Variants in BICD1 observed in about 807,000 individuals in gnomAD.
BICD1 encodes BICD cargo adaptor 1.
BICD1 carries 35 observed loss-of-function variants against 92.5 expected under a neutral mutation model. The ratio of observed to expected loss-of-function variants is 0.38; its 90% confidence interval spans 0.29 to 0.50. BICD1 has a LOEUF of 0.50. Ranked by LOEUF, BICD1 falls within the 20% of genes least tolerant of loss-of-function variation. The pLI is 0.93. For synonymous variants in BICD1, 429 were observed against 465.1 expected (o/e 0.92, Z 1.00); for missense variants, 950 against 1,189.8 (o/e 0.80, Z 2.97).
Position 32,299,825 on chromosome 12 carries a change from A to G in BICD1, c.579+5679A>G, listed in dbSNP as rs527592905. On this transcript the variant is annotated intron_variant, in intron 3 of 9. Coordinates refer to ENST00000652176, the MANE Select transcript of BICD1 (RefSeq NM_001714.4). ...AGAGATCGGGTCTTACAGGAAGTCT[A>G]GGCCATCAATTGAATAAATACTACT... Among the ~76,000 whole-genome samples the G allele has an allele frequency of 1.6e-3, 243 of 152,318 alleles. 2 individuals are homozygous for G. Among genetic ancestry groups the G allele is most frequent in the East Asian group, 5.8e-3 (30 of 5,182 alleles).
chr12:32,136,675 C>G (rs114232980), intron 1 of BICD1, among the ~76,000 whole-genome samples: 9 of 152,248 alleles, frequency 5.9e-5, no homozygotes, highest in African/African-American at 1.9e-4. Context: ...GCTGGGGGAT[C>G]GGTATTGTAG....
intron 1 of BICD1, among the ~76,000 whole-genome samples, chr12:32,120,867 TAGAGAGAGAGAGAG>T (rs144690164): frequency 1.8e-4 from 15 of 83,450 alleles, no homozygotes; most frequent in Non-Finnish European, 4.5e-5. Flanking sequence ...AATCAACCAT[TAGAGAGAGAGAGAG>T]AGAGAGAGAG....
intron 1 of BICD1, among the ~76,000 whole-genome samples, chr12:32,173,072 A>G (rs1224362436): frequency 6.6e-6 from 1 of 151,260 alleles, no homozygotes; most frequent in East Asian, 1.9e-4. Context: ...TTTTGGAGAC[A>G]GCGTCTCACT....
intron 1 of BICD1, among the ~76,000 whole-genome samples, chr12:32,129,229 A>T (rs1434806514): frequency 6.6e-6 from 1 of 151,112 alleles, no homozygotes; most frequent in Non-Finnish European, 1.5e-5. Flanking sequence ...CTAATTTTTT[A>T]AAAATTTTTT....
intron 1 of BICD1, among the ~76,000 whole-genome samples, chr12:32,192,832 G>A (rs1944614980): frequency 6.6e-6 from 1 of 152,242 alleles, no homozygotes; most frequent in Non-Finnish European, 1.5e-5. Flanking sequence ...AACTGCAGAT[G>A]TGGTGGAAAC....
At chr12:32,339,520 C>A in intron 8 of BICD1, 1 of 985,294 alleles carries the variant, frequency 1.0e-6, no homozygotes, top group Non-Finnish European at 1.2e-6. Context: ...AGATTGCAGG[C>A]CCCCCACTGG....
chr12:32,113,967 G>A (rs988790874), intron 1 of BICD1, among the ~76,000 whole-genome samples: 4 of 151,998 alleles, frequency 2.6e-5, no homozygotes, highest in Non-Finnish European at 5.9e-5. Flanking sequence ...TGCCTCCCGG[G>A]TTCAAGTGAT....
chr12:32,191,985 T>A (rs1452728351), intron 1 of BICD1, among the ~76,000 whole-genome samples: 1 of 152,138 alleles, frequency 6.6e-6, no homozygotes, highest in African/African-American at 2.4e-5. Flanking sequence ...GAGTTACACA[T>A]CTCTCACTTT....
chr12:32,253,303 T>C (rs2608396), intron 2 of BICD1, among the ~76,000 whole-genome samples: 53,648 of 152,058 alleles, frequency 0.35, 9,815 homozygotes, highest in Non-Finnish European at 0.42. Flanking sequence ...CTAGTTGCTA[T>C]GCAAGATGCA....
chr12:32,378,511 G>C lies in BICD1; in HGVS notation c.*884G>C, dbSNP rs536855649. On this transcript the variant is annotated 3_prime_UTR_variant, in exon 10 of 10. Coordinates refer to ENST00000652176, the MANE Select transcript of BICD1 (RefSeq NM_001714.4). The stretch of plus-strand genomic sequence containing the variant: ...TATGTGTGTGATAACGTTAAAGAAG[G>C]CTCAATAACTTGAAGGGAAAAAAAT... 9 of 152,248 alleles carry C rather than the reference G, an allele frequency of 5.9e-5. No homozygotes were observed. Among genetic ancestry groups the C allele is most frequent in the Admixed American group, 1.3e-4 (2 of 15,288 alleles). 9.4% of individuals were successfully genotyped at this position (152,248 alleles called of 1,614,324 possible). A position where few individuals can be genotyped will look rare whatever the true frequency, so the allele number is the denominator to read the frequency against.
intron 8 of BICD1, among the ~76,000 whole-genome samples, chr12:32,363,810 A>G (rs1939422367): frequency 6.6e-6 from 1 of 152,238 alleles, no homozygotes; most frequent in Non-Finnish European, 1.5e-5. Context: ...CCCTTGGACC[A>G]TACAATCCTG....
At position 32,212,046 on chromosome 12, in the gene BICD1, G is replaced by C. The variant is rs1945230431; in HGVS notation, c.214-4201G>C. On this transcript the variant is annotated intron_variant, in intron 1 of 9. Transcript: ENST00000652176. ...CTACTCAAATAAGAATTTCTGTCGA[G>C]AGACTGAACAAGCCAGGCACCAGGA... 2.6e-5 allele frequency among the ~76,000 whole-genome samples: 4 copies of C among 152,186 alleles called. No homozygotes were observed. The South Asian group carries it at 8.3e-4, about 32-fold the overall frequency.
intron 2 of BICD1, 84 bp downstream of exon 2, chr12:32,216,543 T>G (rs1945368789): frequency 1.4e-6 from 2 of 1,442,938 alleles, no homozygotes; most frequent in African/African-American, 2.8e-5. Flanking sequence ...ATAACACTTT[T>G]GTTTTAATCA....
chr12:32,271,875 C>T (rs1181396370), intron 2 of BICD1, among the ~76,000 whole-genome samples: 2 of 152,128 alleles, frequency 1.3e-5, no homozygotes, highest in African/African-American at 2.4e-5. Context: ...CTGCCTGAAG[C>T]CAAGAGACAA....
chr12:32,283,359 A>ACCACTCCACTCCACTCCACTCCACT (rs10672753), intron 2 of BICD1, among the ~76,000 whole-genome samples: 5,017 of 149,498 alleles, frequency 0.034, 130 homozygotes, highest in Non-Finnish European at 0.048. Context: ...TGGGCATTTG[A>ACCACTCCACTCCACTCCACTCCACT]CCACTCCACT....
At chr12:32,370,458 G>A (rs900061732) in intron 9 of BICD1, among the ~76,000 whole-genome samples, 1 of 111,320 alleles carries the variant, frequency 9.0e-6, no homozygotes, top group African/African-American at 4.3e-5. Context: ...TGAATTTGTA[G>A]CGGTTAAGAA....
intron 3 of BICD1, among the ~76,000 whole-genome samples, chr12:32,295,054 C>T (rs1012701753): frequency 1.4e-5 from 2 of 143,808 alleles, no homozygotes; most frequent in African/African-American, 5.3e-5. Context: ...TGCACTCCAG[C>T]CTGGGTGACA....
At chr12:32,276,757 C>T (rs970487727) in intron 2 of BICD1, among the ~76,000 whole-genome samples, 4 of 152,176 alleles carry the variant, frequency 2.6e-5, no homozygotes, top group African/African-American at 9.7e-5. Flanking sequence ...TTATTTCCTA[C>T]AGAAGATTTT....
intron 2 of BICD1, among the ~76,000 whole-genome samples, chr12:32,272,233 T>C (rs530899846): frequency 6.6e-6 from 1 of 152,272 alleles, no homozygotes; most frequent in South Asian, 2.1e-4. Flanking sequence ...GGCCCAATAA[T>C]GAGATGCAGA....
Sources: allele counts gnomAD v4.1 joint callset (sites outside exome capture counted in the v4.1 genomes callset), GRCh38; gene constraint gnomAD v4.1.1; transcripts MANE v1.5; gene names NCBI Gene and HGNC (gene_info 2026-07-23, HGNC 2026-07-21).